The following NECTIN4 variants were observed in gnomAD, a reference collection of about 807,000 sequenced individuals.
NECTIN4 encodes the protein nectin cell adhesion molecule 4, also known as nectin-4.
A neutral mutation model predicts 51.7 loss-of-function variants in NECTIN4; 19 were observed. The observed-to-expected ratio is 0.37, with a 90% CI of 0.26 to 0.54. NECTIN4 has a LOEUF of 0.54. NECTIN4 is among the 20% of genes least tolerant of loss of function. The probability of loss-of-function intolerance (pLI) is 0.86; values close to 1 mark genes in which losing one functional copy is unlikely to be tolerated. For missense variants in NECTIN4, 619 were observed against 662.4 expected, an observed-to-expected ratio of 0.93 and a Z score of 0.72; for synonymous variants, 283 against 286.9, an observed-to-expected ratio of 0.99 and a Z score of 0.14.
At position 161,073,747 on chromosome 1, in the gene NECTIN4, A is replaced by T. The variant is rs1653290392; in HGVS notation, c.1206T>A (p.His402Gln). Residue 402 changes from histidine (H) to glutamine (Q), a missense_variant, in exon 7 of 9, where the codon CAT becomes CAA. Transcript: ENST00000368012. ...LTRENSIRRL[H>Q]SHHTDPRSQP... ...GGCTCCTGGGGTCCGTGTGATGGGA[A>T]TGCAGCCTCCGGATGGAGTTCTCCC... 2 of 1,614,168 alleles carry T rather than the reference A, an allele frequency of 1.2e-6. No homozygotes were observed. Among genetic ancestry groups the T allele is most frequent in the Non-Finnish European group, 1.7e-6 (2 of 1,180,014 alleles).
intron 1 of NECTIN4, among the ~76,000 whole-genome samples, chr1:161,080,967 A>G (rs1653655353): frequency 6.6e-6 from 1 of 152,180 alleles, no homozygotes; most frequent in Non-Finnish European, 1.5e-5. Flanking sequence ...GGGATGGGGC[A>G]ATCACTATGG....
intron 2 of NECTIN4, among the ~76,000 whole-genome samples, chr1:161,078,464 C>T (rs964827114): frequency 6.6e-6 from 1 of 151,772 alleles, no homozygotes; most frequent in Admixed American, 6.6e-5. Context: ...CGCACCACCA[C>T]ACCCAGCTGA....
In NECTIN4 at chr1:161,079,964, G is replaced by C. The variant is rs750170980; in HGVS notation, c.80-15C>G. On this transcript the variant is annotated splice_polypyrimidine_tract_variant and intron_variant, in intron 1 of 8. Coordinates refer to ENST00000368012, the MANE Select transcript of NECTIN4 (RefSeq NM_030916.3). ...GGGGCACCGGCCTGCAGGGGGCAGAGAGGGACAGCCACCATTAGGGGTGCT... is the reference window on the plus strand; with the variant it reads ...GGGGCACCGGCCTGCAGGGGGCAGACAGGGACAGCCACCATTAGGGGTGCT... 1.9e-6 allele frequency: 3 copies of C among 1,586,276 alleles called. No individual in the cohort carries two copies. The highest frequency in any genetic ancestry group is 2.6e-6 in the Non-Finnish European group (3 of 1,162,904).
chr1:161,076,210 TATA>T, intron 4 of NECTIN4, 142 bp downstream of exon 4: 3 of 855,786 alleles, frequency 3.5e-6, no homozygotes, highest in South Asian at 3.4e-5. Flanking sequence ...GTATGATGAG[TATA>T]ATAATACAAG....
intron 7 of NECTIN4, 135 bp from the exon 8 acceptor site, chr1:161,073,434 C>A (rs1167717098): frequency 2.6e-6 from 2 of 771,778 alleles, no homozygotes; most frequent in Non-Finnish European, 4.4e-6. Context: ...CTCCTGGAAA[C>A]AAACATCCTC....
chr1:161,074,920 G>A lies in NECTIN4; in HGVS notation c.852-161C>T, dbSNP rs571437006. On this transcript the variant is annotated intron_variant, in intron 4 of 8. Coordinates refer to ENST00000368012, the MANE Select transcript of NECTIN4 (RefSeq NM_030916.3). ...CCTCCACCAGGCAGGTCTAGGCAGA[G>A]GTCCTTTCTCCCTGCTGCCCAGCCT... Among the ~76,000 whole-genome samples, 225 of 152,344 alleles carry A rather than the reference G, an allele frequency of 1.5e-3. 2 individuals are homozygous for A. Among genetic ancestry groups the A allele is most frequent in the Admixed American group, 6.3e-3 (96 of 15,304 alleles).
chr1:161,081,294 G>C (rs1164387198), intron 1 of NECTIN4, among the ~76,000 whole-genome samples: 1 of 152,122 alleles, frequency 6.6e-6, no homozygotes, highest in Non-Finnish European at 1.5e-5. Flanking sequence ...CCATGAGCAA[G>C]TGGTGAGGGG....
chr1:161,078,036 CTA>C (rs1444441667), intron 2 of NECTIN4, among the ~76,000 whole-genome samples: 2 of 152,096 alleles, frequency 1.3e-5, no homozygotes, highest in African/African-American at 2.4e-5. Flanking sequence ...TAAGCATTTA[CTA>C]TGTGTCAACT....
In NECTIN4 at chr1:161,071,844, A is replaced by AAAAAAT; in HGVS notation, c.*811_*816dup. On this transcript the variant is annotated 3_prime_UTR_variant, in exon 9 of 9. Coordinates refer to ENST00000368012, the MANE Select transcript of NECTIN4 (RefSeq NM_030916.3). ...AACATAGTGAGACTCCATCTCTAAAAAAAAATAAAAATAAAAATAAATAAA... is the reference window on the plus strand; with the variant it reads ...AACATAGTGAGACTCCATCTCTAAAAAAAAATAAAAATAAAAATAAAAATAAATAAA... 6.6e-6 allele frequency: 1 copy of AAAAAAT among 152,036 alleles called. No individual in the cohort carries two copies. The highest frequency in any genetic ancestry group is 1.5e-5 in the Non-Finnish European group (1 of 68,016). The allele number at this position is 152,036 out of a possible 1,614,324, so 9.4% of individuals were successfully genotyped here.
At chr1:161,082,039 G>A (rs548681659) in intron 1 of NECTIN4, among the ~76,000 whole-genome samples, 2 of 152,250 alleles carry the variant, frequency 1.3e-5, no homozygotes, top group African/African-American at 4.8e-5. Flanking sequence ...TGTAGAATGA[G>A]GAGGAACAGG....
chr1:161,088,882 C>A (rs1179115543), intron 1 of NECTIN4, among the ~76,000 whole-genome samples: 1 of 151,462 alleles, frequency 6.6e-6, no homozygotes, highest in Non-Finnish European at 1.5e-5. Flanking sequence ...TGAACAGGAT[C>A]CTCACAAGTC....
At chr1:161,080,735 G>C (rs775462807) in intron 1 of NECTIN4, among the ~76,000 whole-genome samples, 5 of 152,014 alleles carry the variant, frequency 3.3e-5, no homozygotes, top group Non-Finnish European at 1.5e-5. Context: ...GGGACAAAGG[G>C]CTAGTACAAA....
At chr1:161,088,586 T>G (rs1465721077) in intron 1 of NECTIN4, among the ~76,000 whole-genome samples, 1 of 152,004 alleles carries the variant, frequency 6.6e-6, no homozygotes, top group Non-Finnish European at 1.5e-5. Flanking sequence ...CTAAACCCCC[T>G]TATTACCACC....
chr1:161,078,552 C>T (rs1324332513), intron 2 of NECTIN4, among the ~76,000 whole-genome samples: 1 of 151,916 alleles, frequency 6.6e-6, no homozygotes, highest in East Asian at 1.9e-4. Context: ...AGGTGGTCTG[C>T]CCACCTCAGC....
In NECTIN4 at chr1:161,079,790, G is replaced by A. The variant is rs1306418043; in HGVS notation, c.239C>T (p.Ala80Val). 6.2e-7 allele frequency: 1 copy of A among 1,613,208 alleles called. No homozygotes were observed. Among genetic ancestry groups the A allele is most frequent in the Admixed American group, 1.7e-5 (1 of 60,028 alleles). Residue 80 changes from alanine (A) to valine (V), a missense_variant, in exon 2 of 9, where the codon GCG becomes GTG. Ala to Val is a moderately conservative substitution (Grantham distance 64, BLOSUM62 0). Around this residue, in one of 3 missense-constraint regions of NECTIN4, gnomAD observed 218 missense variants for 186.3 expected, o/e 1.17. Transcript: ENST00000368012. ...VDAGEGAQEL[A>V]LLHSKYGLHV... is the part of the protein sequence containing the mutation. Reference sequence around the variant, plus strand: ...AAGCCCGTATTTGGAGTGCAGTAGCGCTAGTTCCTGGGCGCCTTCGCCCGC... The same window carrying A: ...AAGCCCGTATTTGGAGTGCAGTAGCACTAGTTCCTGGGCGCCTTCGCCCGC...
In NECTIN4 at chr1:161,079,734, C is replaced by G; in HGVS notation, c.295G>C (p.Glu99Gln). The G allele has an allele frequency of 2.5e-6, 4 of 1,610,166 alleles. No individual in the cohort carries two copies. Among genetic ancestry groups the G allele is most frequent in the Admixed American group, 3.3e-5 (2 of 60,010 alleles). ...GGGTTGCGTGGGGGCGGCGGCTGCT[C>G]CACGCGGCCCTCGTAAGCCGGGCTC... is the stretch of plus-strand genomic sequence containing the variant. ...HVSPAYEGRV[E>Q]QPPPPRNPLD... Residue 99 changes from glutamate to glutamine, a missense_variant, in exon 2 of 9, where the codon GAG becomes CAG. Around this residue, in one of 3 missense-constraint regions of NECTIN4, gnomAD observed 218 missense variants for 186.3 expected, o/e 1.17. Coordinates refer to ENST00000368012, the MANE Select transcript of NECTIN4 (RefSeq NM_030916.3).
chr1:161,075,192 C>A (rs1041862614), intron 4 of NECTIN4, among the ~76,000 whole-genome samples: 1 of 152,228 alleles, frequency 6.6e-6, no homozygotes, highest in African/African-American at 2.4e-5. Flanking sequence ...ACATGCATCG[C>A]TCATATGCTC....
At chr1:161,088,516 G>A (rs1279003185) in intron 1 of NECTIN4, among the ~76,000 whole-genome samples, 1 of 152,048 alleles carries the variant, frequency 6.6e-6, no homozygotes, top group East Asian at 1.9e-4. Flanking sequence ...GGGAACAGGA[G>A]ATGAACAAAT....
Position 161,089,348 on chromosome 1 carries a change from G to T in NECTIN4, c.-52C>A, listed in dbSNP as rs1654094030. On this transcript the variant is annotated 5_prime_UTR_variant, in exon 1 of 9. Transcript: ENST00000368012. This position sits in a 1 kb window ranked among gnomAD's most constrained non-coding sequence, Gnocchi z 4.1. ...TCTGAAGTTCCACCGAGATCTCCCT[G>T]GGAGCCGGCTGCAGACTTGAATAAG... 2 of 1,535,776 alleles carry T rather than the reference G, an allele frequency of 1.3e-6. No homozygotes were observed. Among genetic ancestry groups the T allele is most frequent in the African/African-American group, 1.4e-5 (1 of 73,462 alleles).
Sources: gnomAD v4.1 joint callset for allele counts (sites outside exome capture counted in the v4.1 genomes callset) on GRCh38, gnomAD v4.1.1 for gene constraint, gnomAD v4.1.1 regional missense constraint, Gnocchi (gnomAD v3.1) non-coding constraint, MANE v1.5 for transcripts, NCBI Gene and HGNC (gene_info 2026-07-23, HGNC 2026-07-21) for gene names.